Variants in PREX1 observed in about 807,000 individuals in gnomAD.
The protein encoded by PREX1 is phosphatidylinositol-3,4,5-trisphosphate dependent Rac exchange factor 1.
In PREX1, 41 loss-of-function variants were observed where a neutral mutation model predicts 198.3. That is an observed-to-expected ratio of 0.21 (90% CI 0.16 to 0.27). The LOEUF (loss-of-function observed/expected upper bound fraction) is 0.27, where lower values mean the gene tolerates loss of function less well. PREX1 is among the 10% of genes least tolerant of loss of function. The pLI is 1.00. For missense variants in PREX1, 1,620 were observed against 2,200.7 expected (o/e 0.74, Z 5.28); for synonymous variants, 843 against 887.2 (o/e 0.95, Z 0.89).
chr20:48,650,884 A>G lies in PREX1; in HGVS notation c.2817+10T>C, dbSNP rs1205826627. 1 of 1,613,890 alleles carries G rather than the reference A, an allele frequency of 6.2e-7. No individual in the cohort carries two copies. Among genetic ancestry groups the G allele is most frequent in the Non-Finnish European group, 8.5e-7 (1 of 1,179,968 alleles). On this transcript the variant is annotated intron_variant, in intron 23 of 39. Transcript: ENST00000371941. The stretch of plus-strand genomic sequence containing the variant: ...CTGTGGCAGAGACCCCGGAGGGAGC[A>G]CGCAGGCACCTCCTGGTAGCAGGCA...
At position 48,650,154 on chromosome 20, in the gene PREX1, A is replaced by G; in HGVS notation, c.2870T>C (p.Leu957Pro). The G allele has an allele frequency of 6.2e-7, 1 of 1,613,852 alleles. No individual in the cohort carries two copies. The highest frequency in any genetic ancestry group is 8.5e-7 in the Non-Finnish European group (1 of 1,179,856). Residue 957 changes from leucine (L) to proline (P), a missense_variant, in exon 24 of 40, where the codon CTG becomes CCG. Physicochemically the swap from Leu to Pro is moderately conservative, Grantham distance 98 (BLOSUM62 -3). Around this residue, in one of 7 missense-constraint regions of PREX1, gnomAD observed 514 missense variants for 611.6 expected, o/e 0.84. Coordinates refer to ENST00000371941, the MANE Select transcript of PREX1 (RefSeq NM_020820.4). ...RVSPPFKQAP[L>P]EPHPLCGLDF... is the part of the protein sequence containing the mutation. ...CAGGCCACACAGCGGGTGGGGCTCC[A>G]GGGGGGCTTGTTTGAAGGGTGGGCT...
At chr20:48,842,984 T>C in the PREX1 span, among the ~76,000 whole-genome samples, 1 of 152,212 alleles carries the variant, frequency 6.6e-6, no homozygotes, top group Non-Finnish European at 1.5e-5. Context: ...ACCATTTAGA[T>C]AATCAACAAA....
rs538952444 is a variant in PREX1, at chr20:48,754,128, A to T, written c.220-6248T>A. Among the ~76,000 whole-genome samples the T allele has an allele frequency of 2.0e-5, 3 of 152,342 alleles. 1 individual carries two copies. In the South Asian group the frequency reaches 6.2e-4, roughly 32 times the overall value. On this transcript the variant is annotated intron_variant, in intron 1 of 39. Transcript: ENST00000371941. ...AACAGGCTCCAGAAAGTAAGCTGAT[A>T]TCGAGCTGGGAGAGGCAACTAGAAT...
intron 3 of PREX1, among the ~76,000 whole-genome samples, chr20:48,739,491 C>G (rs1348662661): frequency 6.6e-6 from 1 of 152,198 alleles, no homozygotes; most frequent in Non-Finnish European, 1.5e-5. Flanking sequence ...AGCCCTGGCC[C>G]TGACCTCCCG....
At chr20:48,839,364 T>G in the PREX1 span, among the ~76,000 whole-genome samples, 16 of 152,244 alleles carry the variant, frequency 1.1e-4, no homozygotes, top group African/African-American at 3.9e-4. Flanking sequence ...TATTTAAAGC[T>G]TGTTCTTTAG....
intron 15 of PREX1, 44 bp from the exon 16 acceptor site, chr20:48,660,105 A>G (rs188671385): frequency 1.2e-6 from 2 of 1,605,516 alleles, no homozygotes; most frequent in Non-Finnish European, 1.7e-6. Flanking sequence ...ATTCACAGGG[A>G]AAGTTTCAGC....
At chr20:48,782,822 G>A (rs1001202030) in intron 1 of PREX1, among the ~76,000 whole-genome samples, 28 of 152,172 alleles carry the variant, frequency 1.8e-4, no homozygotes, top group African/African-American at 6.5e-4. Flanking sequence ...TCACTGCAGT[G>A]TGATGAGGAG....
At chr20:48,846,560 G>T in the PREX1 span, among the ~76,000 whole-genome samples, 1 of 152,102 alleles carries the variant, frequency 6.6e-6, no homozygotes, top group Non-Finnish European at 1.5e-5. Flanking sequence ...CCTTGGTCTT[G>T]CCCTGCCCAC....
the PREX1 span, among the ~76,000 whole-genome samples, chr20:48,862,299 C>G: frequency 6.6e-6 from 1 of 152,290 alleles, no homozygotes; most frequent in Non-Finnish European, 1.5e-5. Flanking sequence ...ACAGGAAAGA[C>G]AGGAACTGAC....
chr20:48,632,264 C>A lies in PREX1; in HGVS notation c.4526+13G>T. ...CCTGACTCCTGCCCCCAACGGGGAC[C>A]CCAGGCGGATACCTGAGTTTGCGGT... On this transcript the variant is annotated intron_variant, in intron 35 of 39. Transcript: ENST00000371941. 1 of 1,613,392 alleles carries A rather than the reference C, an allele frequency of 6.2e-7. No individual in the cohort carries two copies. Among genetic ancestry groups the A allele is most frequent in the South Asian group, 1.1e-5 (1 of 91,060 alleles).
intron 3 of PREX1, 26 bp from the exon 4 acceptor site, chr20:48,734,676 G>A (rs1394417437): frequency 6.2e-7 from 1 of 1,605,662 alleles, no homozygotes; most frequent in Non-Finnish European, 8.5e-7. Context: ...AGAGCCTGTG[G>A]GAGGCAGGTC....
intron 6 of PREX1, among the ~76,000 whole-genome samples, chr20:48,704,573 T>C (rs1046983524): frequency 5.0e-5 from 7 of 140,564 alleles, no homozygotes; most frequent in South Asian, 2.4e-4. Context: ...CCCTCTCTTT[T>C]TTTTTGATGG....
chr20:48,650,779 C>A, intron 23 of PREX1, 115 bp downstream of exon 23: 1 of 1,322,106 alleles, frequency 7.6e-7, no homozygotes, highest in Non-Finnish European at 1.0e-6. Context: ...CATACATTCT[C>A]CTGTTTGTTT....
At chr20:48,727,754 C>T (rs1295416436) in intron 4 of PREX1, among the ~76,000 whole-genome samples, 1 of 152,152 alleles carries the variant, frequency 6.6e-6, no homozygotes, top group Non-Finnish European at 1.5e-5. Flanking sequence ...CACCCATGCA[C>T]CAAGGCCATC....
rs1601032635 is a variant in PREX1, at chr20:48,637,948, G to A, written c.3905-196C>T. Among the ~76,000 whole-genome samples, 3 of 152,296 alleles carry A rather than the reference G, an allele frequency of 2.0e-5. No individual in the cohort carries two copies. The East Asian group carries it at 5.8e-4, about 29-fold the overall frequency. On this transcript the variant is annotated intron_variant, in intron 30 of 39. Coordinates refer to ENST00000371941, the MANE Select transcript of PREX1 (RefSeq NM_020820.4). Reference sequence around the variant, plus strand: ...CTCCAGGAACCCCTGACCTCAGGCAGTGGAACCCCAACTGTGAGCCCCATC... The same window carrying A: ...CTCCAGGAACCCCTGACCTCAGGCAATGGAACCCCAACTGTGAGCCCCATC...
rs138858092 is a variant in PREX1, at chr20:48,723,530, T to C, written c.621+2760A>G. Among the ~76,000 whole-genome samples, 358 of 152,088 alleles carry C rather than the reference T, an allele frequency of 2.4e-3. 3 individuals are homozygous for C. In the East Asian group the frequency reaches 0.043, roughly 18 times the overall value. The stretch of plus-strand genomic sequence containing the variant: ...GGAGTCTAAGGCCCTGCTTGTTCTC[T>C]CCCAAACAGCACCCCCCACCCCACA... On this transcript the variant is annotated intron_variant, in intron 5 of 39. Transcript: ENST00000371941.
chr20:48,753,185 G>T (rs2090141664), intron 1 of PREX1, among the ~76,000 whole-genome samples: 1 of 152,196 alleles, frequency 6.6e-6, no homozygotes, highest in Non-Finnish European at 1.5e-5. Context: ...TGTCTGCCAT[G>T]GATGTGGCAG....
At position 48,824,585 on chromosome 20, in the gene PREX1, C is replaced by A. The variant is rs544790868; in HGVS notation, c.219+3057G>T. Among the ~76,000 whole-genome samples, 4 of 152,324 alleles carry A rather than the reference C, an allele frequency of 2.6e-5. No homozygotes were observed. In the East Asian group the frequency reaches 7.7e-4, roughly 29 times the overall value. The stretch of plus-strand genomic sequence containing the variant: ...ATATACCTTACTGCCAGACACTGTT[C>A]TAAGTGCTTTACATCAATTTCTATA... On this transcript the variant is annotated intron_variant, in intron 1 of 39. Coordinates refer to ENST00000371941, the MANE Select transcript of PREX1 (RefSeq NM_020820.4).
At chr20:48,649,859 C>T in intron 24 of PREX1, 137 bp downstream of exon 24, 1 of 1,072,036 alleles carries the variant, frequency 9.3e-7, no homozygotes, top group Non-Finnish European at 1.4e-6. Context: ...GATGCTGTCC[C>T]ATAAAGAGAG....
Sources: allele counts gnomAD v4.1 joint callset (sites outside exome capture counted in the v4.1 genomes callset), GRCh38; gene constraint gnomAD v4.1.1; regional missense constraint gnomAD v4.1.1; transcripts MANE v1.5; gene names NCBI Gene and HGNC (gene_info 2026-07-23, HGNC 2026-07-21).